Variants in CSMD1 observed in about 807,000 individuals in gnomAD.
CSMD1 encodes CUB and sushi domain-containing protein 1.
In CSMD1, 213 loss-of-function variants were observed where a neutral mutation model predicts 417.5. That is an observed-to-expected ratio of 0.51 (90% CI 0.46 to 0.57). The LOEUF is 0.57. Among genes scored for constraint, CSMD1 ranks in the 20% least tolerant of loss-of-function variants. The probability of loss-of-function intolerance (pLI) is 0.00; values close to 1 mark genes in which losing one functional copy is unlikely to be tolerated. For missense variants in CSMD1, 6,923 were observed against 4,529.7 expected (o/e 1.53, Z -15.17); for synonymous variants, 2,862 against 1,736.8 (o/e 1.65, Z -16.11).
At chr8:4,009,949 T>A (rs1816416108) in intron 4 of CSMD1, among the ~76,000 whole-genome samples, 1 of 144,832 alleles carries the variant, frequency 6.9e-6, no homozygotes, top group Admixed American at 6.9e-5. Flanking sequence ...TCCCTCCAAC[T>A]CTCATCCTCT....
At chr8:4,880,200 G>A (rs1018244713) in intron 1 of CSMD1, among the ~76,000 whole-genome samples, 3 of 152,034 alleles carry the variant, frequency 2.0e-5, no homozygotes, top group African/African-American at 7.3e-5. Context: ...AGAGTTAAGG[G>A]AAGAACACAC....
At chr8:2,978,362 A>C (rs536511458) in intron 55 of CSMD1, among the ~76,000 whole-genome samples, 1 of 152,334 alleles carries the variant, frequency 6.6e-6, no homozygotes, top group South Asian at 2.1e-4. Flanking sequence ...TCATTGTCCA[A>C]GTGGCATCCA....
At chr8:3,413,689 G>T (rs777782990) in intron 12 of CSMD1, among the ~76,000 whole-genome samples, 3 of 152,142 alleles carry the variant, frequency 2.0e-5, no homozygotes, top group African/African-American at 2.4e-5. Context: ...CCAAATTATG[G>T]TGACAAAATT....
intron 10 of CSMD1, among the ~76,000 whole-genome samples, chr8:3,511,327 T>A (rs1053794575): frequency 1.3e-5 from 2 of 151,622 alleles, no homozygotes; most frequent in African/African-American, 4.9e-5. Flanking sequence ...TGTGTATACC[T>A]ATGTAACAAA....
intron 3 of CSMD1, among the ~76,000 whole-genome samples, chr8:4,129,200 A>T (rs1050859207): frequency 4.6e-5 from 7 of 152,140 alleles, no homozygotes; most frequent in African/African-American, 1.7e-4. Flanking sequence ...TCTACACTTA[A>T]TATGTTCAAA....
rs1585110596 is a variant in CSMD1, at chr8:3,708,421, G to C, written c.1002C>G (p.Asn334Lys). 1 of 1,613,616 alleles carries C rather than the reference G, an allele frequency of 6.2e-7. No individual in the cohort carries two copies. Among genetic ancestry groups the C allele is most frequent in the Non-Finnish European group, 8.5e-7 (1 of 1,179,688 alleles). Residue 334 changes from asparagine to lysine, a missense_variant, in exon 7 of 70, where the codon AAC (asparagine) becomes AAG (lysine). Physicochemically the swap from Asn to Lys is moderately conservative, Grantham distance 94 (BLOSUM62 0). Coordinates refer to ENST00000635120, the MANE Select transcript of CSMD1 (RefSeq NM_033225.6). Reference protein sequence around the residue: ...MLPSKDGSHKNSVLSQGGVAL... With the variant: ...MLPSKDGSHKKSVLSQGGVAL... The stretch of plus-strand genomic sequence containing the variant: ...GAAAGGAAAGGGACTCACAGACAGA[G>C]TTTTTATGGCTTCCATCCTTGCTGG...
chr8:3,951,639 G>A (rs1206673384), intron 5 of CSMD1, among the ~76,000 whole-genome samples: 2 of 152,090 alleles, frequency 1.3e-5, no homozygotes, highest in African/African-American at 4.8e-5. Flanking sequence ...AATATTGGAA[G>A]AAAGGTTAAA....
intron 3 of CSMD1, among the ~76,000 whole-genome samples, chr8:4,222,857 A>G (rs546505619): frequency 2.9e-4 from 44 of 152,326 alleles, no homozygotes; most frequent in African/African-American, 1.0e-3. Context: ...AGGACAATTA[A>G]TTTGTTTTGA....
Position 3,003,820 on chromosome 8 carries a change from C to G in CSMD1, c.8030-3689G>C, listed in dbSNP as rs1457215907. Among the ~76,000 whole-genome samples the G allele has an allele frequency of 6.6e-5, 10 of 152,060 alleles. 1 individual carries two copies. Among genetic ancestry groups the G allele is most frequent in the Admixed American group, 6.5e-4 (10 of 15,272 alleles). On this transcript the variant is annotated intron_variant, in intron 52 of 69. Coordinates refer to ENST00000635120, the MANE Select transcript of CSMD1 (RefSeq NM_033225.6). ...AGTCTGAAGGATGAGCGCTTGTTAG[C>G]CAGGAAAAGGTGATGGCAAGACATT...
intron 3 of CSMD1, among the ~76,000 whole-genome samples, chr8:4,376,359 G>C (rs549023026): frequency 1.3e-5 from 2 of 152,114 alleles, no homozygotes; most frequent in African/African-American, 2.4e-5. Context: ...TCAACTCTTA[G>C]AAATACTTAC....
At chr8:4,548,859 C>G (rs887436615) in intron 2 of CSMD1, among the ~76,000 whole-genome samples, 3 of 152,084 alleles carry the variant, frequency 2.0e-5, no homozygotes, top group Admixed American at 6.6e-5. Context: ...GTGATGCGCG[C>G]AGGAGGTAAA....
Position 3,083,712 on chromosome 8 carries a change from G to A in CSMD1, c.7474+3385C>T, listed in dbSNP as rs561578180. On this transcript the variant is annotated intron_variant, in intron 49 of 69. Transcript: ENST00000635120. ...ATTCTGTCTCCCAGGCTGGAGTGCA[G>A]TGCCGTGATCTCGGCTCACTGCAGC... Among the ~76,000 whole-genome samples the A allele has an allele frequency of 9.4e-5, 12 of 127,236 alleles. No individual in the cohort carries two copies. The East Asian group carries it at 2.2e-3, about 23-fold the overall frequency. The allele number at this position is 127,236 out of a possible 152,430, so 83.5% of individuals were successfully genotyped here.
At chr8:2,963,977 G>A (rs1157243483) in intron 59 of CSMD1, among the ~76,000 whole-genome samples, 1 of 152,218 alleles carries the variant, frequency 6.6e-6, no homozygotes, top group Non-Finnish European at 1.5e-5. Flanking sequence ...TGAGAAGCAA[G>A]CACGTGGTTG....
chr8:4,223,358 C>G (rs74967323), intron 3 of CSMD1, among the ~76,000 whole-genome samples: 4 of 152,240 alleles, frequency 2.6e-5, no homozygotes, highest in African/African-American at 9.6e-5. Context: ...AAACTCCTAC[C>G]TGTAGTCCAT....
intron 23 of CSMD1, among the ~76,000 whole-genome samples, chr8:3,336,351 C>T (rs1471952165): frequency 1.3e-5 from 2 of 152,188 alleles, no homozygotes; most frequent in East Asian, 3.8e-4. Context: ...TGCCAAGAGA[C>T]ATGTGTCACC....
intron 3 of CSMD1, among the ~76,000 whole-genome samples, chr8:4,225,302 T>G (rs894294904): frequency 6.6e-6 from 1 of 152,166 alleles, no homozygotes; most frequent in African/African-American, 2.4e-5. Flanking sequence ...TTTTAAACTT[T>G]CTTTTCTGAA....
chr8:4,389,096 C>T (rs1272438602), intron 3 of CSMD1, among the ~76,000 whole-genome samples: 1 of 152,122 alleles, frequency 6.6e-6, no homozygotes, highest in Non-Finnish European at 1.5e-5. Context: ...GGAATGTTTC[C>T]AGTGAAAGTC....
chr8:4,562,708 G>A (rs1357272856), intron 2 of CSMD1, among the ~76,000 whole-genome samples: 1 of 152,106 alleles, frequency 6.6e-6, no homozygotes, highest in Non-Finnish European at 1.5e-5. Flanking sequence ...AACACCATCA[G>A]CCAGAAATCC....
intron 4 of CSMD1, among the ~76,000 whole-genome samples, chr8:4,014,496 A>G (rs946230654): frequency 6.6e-6 from 1 of 152,152 alleles, no homozygotes; most frequent in Non-Finnish European, 1.5e-5. Flanking sequence ...GCTTCTTTTG[A>G]TGTCTGTTCC....
Sources: allele counts gnomAD v4.1 joint callset (sites outside exome capture counted in the v4.1 genomes callset), GRCh38; gene constraint gnomAD v4.1.1; transcripts MANE v1.5; gene names NCBI Gene and HGNC (gene_info 2026-07-23, HGNC 2026-07-21).